The following SPATA13 variants were observed in gnomAD, a reference collection of about 807,000 sequenced individuals.
The protein encoded by SPATA13 is spermatogenesis-associated protein 13.
SPATA13 carries 50 observed loss-of-function variants against 104.0 expected under a neutral mutation model. That is an observed-to-expected ratio of 0.48 (90% confidence interval 0.38 to 0.61). SPATA13 has a LOEUF of 0.61. Among genes scored for constraint, SPATA13 ranks in the 20% least tolerant of loss-of-function variants. SPATA13 has a pLI of 0.00. For synonymous variants in SPATA13, 606 were observed against 667.5 expected (o/e 0.91, Z 1.42); for missense variants, 1,524 against 1,690.6 (o/e 0.90, Z 1.73).
chr13:24,253,741 C>CA (rs1368990709), intron 4 of SPATA13, among the ~76,000 whole-genome samples: 3 of 151,982 alleles, frequency 2.0e-5, no homozygotes, highest in African/African-American at 7.3e-5. Context: ...GAGTAGGAGG[C>CA]AGTGAGGCAG....
At chr13:24,232,670 C>A (rs7321078) in intron 2 of SPATA13, among the ~76,000 whole-genome samples, 8,401 of 152,202 alleles carry the variant, frequency 0.055, 797 homozygotes, top group African/African-American at 0.19. Flanking sequence ...GCACCACCCC[C>A]ACCCAGTAGC....
intron 2 of SPATA13, among the ~76,000 whole-genome samples, chr13:24,009,213 T>C (rs935677628): frequency 2.0e-5 from 3 of 152,230 alleles, no homozygotes; most frequent in Admixed American, 2.0e-4. Flanking sequence ...CATGTGGAAG[T>C]GAGAGGCTCA....
At position 24,299,728 on chromosome 13, in the gene SPATA13, G is replaced by A. The variant is rs79542632; in HGVS notation, c.3584-673G>A. On this transcript the variant is annotated intron_variant, in intron 11 of 12. Transcript: ENST00000382108. The stretch of plus-strand genomic sequence containing the variant: ...TGCCTACAGGAGGAAGGCTTCCCGC[G>A]GGAGAAGGCAGGGCCCCAGCACCCA... 8.5e-3 allele frequency among the ~76,000 whole-genome samples: 1,297 copies of A among 152,286 alleles called. 23 individuals are homozygous for A. The highest frequency in any genetic ancestry group is 0.03 in the African/African-American group (1,247 of 41,534).
chr13:24,158,074 G>A (rs1007886353), upstream of SPATA13, among the ~76,000 whole-genome samples: 1 of 152,210 alleles, frequency 6.6e-6, no homozygotes, highest in African/African-American at 2.4e-5. Flanking sequence ...AAAAAAGCGC[G>A]TTAGACTTAG....
intron 3 of SPATA13, among the ~76,000 whole-genome samples, chr13:24,072,364 G>C (rs575051104): frequency 8.5e-5 from 13 of 152,272 alleles, no homozygotes; most frequent in African/African-American, 3.1e-4. Flanking sequence ...AAGATAAATG[G>C]GAAATCAAGC....
chr13:24,082,766 G>C lies in SPATA13; in HGVS notation c.-112+65065G>C, dbSNP rs536911262. ...ACCCGGGAAGCGGAGCTTGCAGTGA[G>C]CCGAGATTGCGCCACTGCAGTCCGC... On this transcript the variant is annotated intron_variant, in intron 3 of 14. Transcript: ENST00000424834. Among the ~76,000 whole-genome samples, 17 of 136,114 alleles carry C rather than the reference G, an allele frequency of 1.2e-4. No homozygotes were observed. In the East Asian group the frequency reaches 3.4e-3, roughly 27 times the overall value. The allele number at this position is 136,114 out of a possible 152,430, so 89.3% of individuals were successfully genotyped here.
intron 3 of SPATA13, among the ~76,000 whole-genome samples, chr13:24,139,450 A>C (rs541955642): frequency 6.6e-6 from 1 of 151,984 alleles, no homozygotes; most frequent in African/African-American, 2.4e-5. Context: ...ACCCACACCA[A>C]TTCTCCTCTG....
chr13:24,243,564 C>G (rs937753774), intron 2 of SPATA13, among the ~76,000 whole-genome samples: 1 of 152,178 alleles, frequency 6.6e-6, no homozygotes, highest in Non-Finnish European at 1.5e-5. Context: ...TTAACGTGAG[C>G]AAATCATTTC....
intron 3 of SPATA13, among the ~76,000 whole-genome samples, chr13:24,120,317 C>G (rs1384748540): frequency 6.6e-6 from 1 of 152,214 alleles, no homozygotes; most frequent in Non-Finnish European, 1.5e-5. Context: ...CTTTGCCAAG[C>G]AGACGCTCTG....
chr13:24,286,179 C>A lies in SPATA13; in HGVS notation c.2302-35C>A. 6.4e-7 allele frequency: 1 copy of A among 1,572,344 alleles called. No individual in the cohort carries two copies. On this transcript the variant is annotated intron_variant, in intron 5 of 12. Transcript: ENST00000382108. The surrounding 1 kb of genome is among the most constrained non-coding windows in gnomAD (Gnocchi z 4.9). ...TCCCTCACCATCCCGCCCACTCGTG[C>A]TCTATGCTGAGCGCACCCCACTGTC...
chr13:24,128,905 C>T (rs1304274566), intron 3 of SPATA13, among the ~76,000 whole-genome samples: 1 of 152,058 alleles, frequency 6.6e-6, no homozygotes, highest in Non-Finnish European at 1.5e-5. Context: ...CCTTTTTATA[C>T]TTTTTTTTCT....
At chr13:24,241,413 CG>C (rs758319487) in intron 2 of SPATA13, among the ~76,000 whole-genome samples, 155 of 152,330 alleles carry the variant, frequency 1.0e-3, no homozygotes, top group Non-Finnish European at 1.9e-3. Context: ...CTTGAACAGG[CG>C]CATTTGTGAG....
At chr13:24,216,829 C>T (rs140770967) in intron 1 of SPATA13, among the ~76,000 whole-genome samples, 6 of 152,104 alleles carry the variant, frequency 3.9e-5, no homozygotes, top group East Asian at 1.9e-4. Flanking sequence ...GGTGGGAGGA[C>T]GATTTGAGGT....
At chr13:24,104,799 A>G (rs1159049900) in intron 3 of SPATA13, among the ~76,000 whole-genome samples, 1 of 152,246 alleles carries the variant, frequency 6.6e-6, no homozygotes, top group African/African-American at 2.4e-5. Flanking sequence ...AACTCTGGAT[A>G]AAGTCCTAAT....
In SPATA13 at chr13:24,192,812, G is replaced by GA. The variant is rs1035528389; in HGVS notation, c.-111-30000dup. 3.3e-5 allele frequency among the ~76,000 whole-genome samples: 5 copies of GA among 152,062 alleles called. No individual in the cohort carries two copies. In the South Asian group the frequency reaches 6.2e-4, roughly 19 times the overall value. ...CAAGGATTTTGAGAGGGTGACATGGGAAAAAAAGGCCTTCTGCATGGGTGG... is the reference window on the plus strand; with the variant it reads ...CAAGGATTTTGAGAGGGTGACATGGGAAAAAAAAGGCCTTCTGCATGGGTGG... On this transcript the variant is annotated intron_variant, in intron 1 of 12. Transcript: ENST00000382108.
At chr13:24,147,114 T>C (rs1881957742) in intron 3 of SPATA13, among the ~76,000 whole-genome samples, 1 of 152,198 alleles carries the variant, frequency 6.6e-6, no homozygotes, top group African/African-American at 2.4e-5. Context: ...ATTGTTCAGA[T>C]AATTTTTTTC....
intron 2 of SPATA13, among the ~76,000 whole-genome samples, chr13:23,997,582 A>G (rs1478281750): frequency 6.6e-6 from 1 of 152,158 alleles, no homozygotes; most frequent in East Asian, 1.9e-4. Flanking sequence ...GAGACTGGGT[A>G]ATTTATAAAG....
At chr13:24,138,555 T>C (rs948949285) in intron 3 of SPATA13, among the ~76,000 whole-genome samples, 2 of 152,122 alleles carry the variant, frequency 1.3e-5, no homozygotes, top group Middle Eastern at 3.2e-3. Flanking sequence ...TTAATAGTTA[T>C]AATTTTTTGT....
chr13:24,197,867 G>A (rs114158613), intron 1 of SPATA13, among the ~76,000 whole-genome samples: 223 of 152,110 alleles, frequency 1.5e-3, no homozygotes, highest in African/African-American at 5.0e-3. Flanking sequence ...GTGGGCATGG[G>A]GTTTCCTGGA....
Sources: gnomAD v4.1 joint callset for allele counts (sites outside exome capture counted in the v4.1 genomes callset) on GRCh38, gnomAD v4.1.1 for gene constraint, Gnocchi (gnomAD v3.1) non-coding constraint, MANE v1.5 for transcripts, NCBI Gene and HGNC (gene_info 2026-07-23, HGNC 2026-07-21) for gene names.